HADHB: variants seen among roughly 807,000 people sequenced by gnomAD.
The protein encoded by HADHB is trifunctional enzyme subunit beta, mitochondrial.
HADHB carries 50 observed loss-of-function variants against 61.9 expected under a neutral mutation model. The observed-to-expected ratio is 0.81, with a 90% confidence interval of 0.64 to 1.02. The LOEUF is 1.02. Ranked by LOEUF, HADHB falls within the 50% of genes least tolerant of loss-of-function variation. HADHB has a pLI of 0.00. For missense variants in HADHB, 504 were observed against 586.5 expected (o/e 0.86, Z 1.45); for synonymous variants, 191 against 201.6 (o/e 0.95, Z 0.45).
intron 4 of HADHB, among the ~76,000 whole-genome samples, chr2:26,264,625 ATGTGTG>A (rs111655977): frequency 2.0e-5 from 3 of 150,504 alleles, no homozygotes. Context: ...AAAGATACAC[ATGTGTG>A]TGTGTATGTG....
chr2:26,254,537 G>A (rs905235494), intron 3 of HADHB, 63 bp downstream of exon 3: 2 of 1,141,680 alleles, frequency 1.8e-6, no homozygotes, highest in Admixed American at 3.4e-5. Context: ...TCTATAGTTT[G>A]TGAACTCTGA....
intron 15 of HADHB, among the ~76,000 whole-genome samples, chr2:26,287,882 C>T (rs1462089730): frequency 1.3e-5 from 2 of 152,146 alleles, no homozygotes; most frequent in Admixed American, 6.6e-5. Context: ...CAGGTACACA[C>T]GGTTGGTATA....
At chr2:26,275,042 C>T (rs1206653827) in intron 6 of HADHB, among the ~76,000 whole-genome samples, 1 of 152,120 alleles carries the variant, frequency 6.6e-6, no homozygotes, top group African/African-American at 2.4e-5. Flanking sequence ...TTCCCTCTGC[C>T]TGCCCTGTAC....
At chr2:26,260,751 C>T in intron 3 of HADHB, 3 of 464,902 alleles carry the variant, frequency 6.5e-6, no homozygotes, top group Non-Finnish European at 1.2e-5. Context: ...GTGTTAGGAA[C>T]CAAGCAAGCA....
rs190092572 is a variant in HADHB at position 26,283,481 on chromosome 2, G to A, written c.1061+430G>A. Among the ~76,000 whole-genome samples the A allele has an allele frequency of 4.6e-5, 7 of 152,152 alleles. No homozygotes were observed. The East Asian group carries it at 5.8e-4, about 13-fold the overall frequency. ...AGAGCTTGCAGTGAGCCAAGATCAC[G>A]CCACTGCACTCCAGCCTGGGCGACA... On this transcript the variant is annotated intron_variant, in intron 12 of 15. Coordinates refer to ENST00000317799, the MANE Select transcript of HADHB (RefSeq NM_000183.3).
intron 12 of HADHB, among the ~76,000 whole-genome samples, chr2:26,283,699 C>T (rs1202225074): frequency 6.6e-6 from 1 of 151,942 alleles, no homozygotes; most frequent in Admixed American, 6.6e-5. Context: ...GGCTACACAC[C>T]CTGCTACACA....
intron 15 of HADHB, among the ~76,000 whole-genome samples, chr2:26,288,766 G>C (rs547566298): frequency 2.0e-4 from 31 of 152,120 alleles, no homozygotes; most frequent in Non-Finnish European, 4.6e-4. Flanking sequence ...GTGTATACTT[G>C]ATTGAGGACA....
chr2:26,260,099 T>TTTTTTG (rs1671799300), intron 3 of HADHB, among the ~76,000 whole-genome samples: 1 of 151,000 alleles, frequency 6.6e-6, no homozygotes, highest in African/African-American at 2.4e-5. Context: ...TTTTTTTTTT[T>TTTTTTG]GAGGCAGAGT....
At chr2:26,281,776 C>A (rs1574666212) in intron 10 of HADHB, among the ~76,000 whole-genome samples, 1 of 152,010 alleles carries the variant, frequency 6.6e-6, no homozygotes, top group Non-Finnish European at 1.5e-5. Flanking sequence ...TTTATGGACA[C>A]CCTATTGGTG....
At chr2:26,287,200 C>G (rs1673071706) in intron 15 of HADHB, among the ~76,000 whole-genome samples, 1 of 152,054 alleles carries the variant, frequency 6.6e-6, no homozygotes, top group African/African-American at 2.4e-5. Context: ...GAGACTCTGT[C>G]TCAAAAATAA....
intron 4 of HADHB, among the ~76,000 whole-genome samples, chr2:26,269,015 G>A (rs1174288544): frequency 2.6e-5 from 4 of 152,090 alleles, no homozygotes; most frequent in Non-Finnish European, 4.4e-5. Context: ...TGGGCGTGGT[G>A]GTGGGTGCCC....
chr2:26,254,556 C>A, intron 3 of HADHB, 82 bp downstream of exon 3: 1 of 955,534 alleles, frequency 1.0e-6, no homozygotes, highest in Non-Finnish European at 1.7e-6. Context: ...GAATAAAAAC[C>A]AAAACTAATT....
intron 12 of HADHB, 54 bp downstream of exon 12, chr2:26,283,105 G>C (rs1672867143): frequency 9.2e-7 from 1 of 1,089,270 alleles, no homozygotes. Context: ...GATTGCCTAT[G>C]TTTTATTATA....
rs1672675662 is a variant in HADHB, at chr2:26,279,080, G to GTTAGAA, written c.631-51_631-50insAATTAG. 2.2e-6 allele frequency: 3 copies of GTTAGAA among 1,361,204 alleles called. No homozygotes were observed. In the South Asian group the frequency reaches 3.5e-5, roughly 16 times the overall value. 84.3% of individuals were successfully genotyped at this position (1,361,204 alleles called of 1,614,324 possible). A position where few individuals can be genotyped will look rare whatever the true frequency, so the allele number is the denominator to read the frequency against. ...CAAATAACACAGAACAATCCTAGGTGTTAGCATAACACCGGTTAACAGTGT... is the reference window on the plus strand; with the variant it reads ...CAAATAACACAGAACAATCCTAGGTGTTAGAATTAGCATAACACCGGTTAACAGTGT... On this transcript the variant is annotated intron_variant, in intron 8 of 15. Transcript: ENST00000317799.
In HADHB at chr2:26,282,859, T is replaced by A. The variant is rs569250030; in HGVS notation, c.948T>A (p.Ser316=). The A allele has an allele frequency of 4.0e-5, 65 of 1,611,818 alleles. No homozygotes were observed. The South Asian group carries it at 6.8e-4, about 17-fold the overall frequency. The change falls in exon 11 of 16, where the codon TCT becomes TCA. Residue 316 remains serine, a synonymous_variant. Coordinates refer to ENST00000317799, the MANE Select transcript of HADHB (RefSeq NM_000183.3). ...TAACATTTCAGACTGATGGTGCATC[T>A]GCAATGTTAATCATGGCGGAGGAAA... The part of the protein sequence containing the change: ...ANSSFLTDGA[S]AMLIMAEEKA...
rs144516539 is a variant in HADHB at position 26,273,786 on chromosome 2, A to G, written c.354+36A>G. 309 of 1,027,550 alleles carry G rather than the reference A, an allele frequency of 3.0e-4. 1 individual carries two copies. The African/African-American group carries it at 4.0e-3, about 13-fold the overall frequency. The allele number at this position is 1,027,550 out of a possible 1,614,324, so 63.7% of individuals were successfully genotyped here. ...CAAACTTTATGTTGTTTAAAGAGTG[A>G]TAGGAGAATCACTTTGAATTTCAAT... On this transcript the variant is annotated intron_variant, in intron 6 of 15. Transcript: ENST00000317799.
intron 6 of HADHB, among the ~76,000 whole-genome samples, chr2:26,274,506 G>A (rs967901431): frequency 6.6e-6 from 1 of 152,236 alleles, no homozygotes; most frequent in Non-Finnish European, 1.5e-5. Context: ...AGGACTGAAA[G>A]TATTTGTTCT....
chr2:26,256,513 G>A (rs1215790902), intron 3 of HADHB, among the ~76,000 whole-genome samples: 1 of 110,312 alleles, frequency 9.1e-6, no homozygotes. Flanking sequence ...ATGTATAGAT[G>A]TCTTTCTCTC....
At chr2:26,286,113 T>C (rs1169554252) in intron 15 of HADHB, among the ~76,000 whole-genome samples, 10 of 152,200 alleles carry the variant, frequency 6.6e-5, no homozygotes. Context: ...TGTTTATTTT[T>C]TACTTATAAA....
Sources: allele counts gnomAD v4.1 joint callset (sites outside exome capture counted in the v4.1 genomes callset), GRCh38; gene constraint gnomAD v4.1.1; transcripts MANE v1.5; gene names NCBI Gene and HGNC (gene_info 2026-07-23, HGNC 2026-07-21).